VTI1A: variants seen among roughly 807,000 people sequenced by gnomAD.
VTI1A encodes vesicle transport through interaction with t-SNAREs 1A.
VTI1A carries 22 observed loss-of-function variants against 34.9 expected under a neutral mutation model. That is an observed-to-expected ratio of 0.63 (90% CI 0.45 to 0.90). The LOEUF is 0.90. VTI1A is among the 40% of genes least tolerant of loss of function. The pLI is 0.00. For missense variants in VTI1A, 268 were observed against 275.6 expected (o/e 0.97, Z 0.20); for synonymous variants, 87 against 97.3 (o/e 0.89, Z 0.62).
chr10:112,500,453 GA>G (rs1033210177), intron 3 of VTI1A, among the ~76,000 whole-genome samples: 2 of 149,078 alleles, frequency 1.3e-5, no homozygotes, highest in Non-Finnish European at 3.0e-5. Flanking sequence ...AAAAAGAAAA[GA>G]AAAGAAAAAA....
chr10:112,608,631 G>A (rs889882916), intron 5 of VTI1A, among the ~76,000 whole-genome samples: 1 of 151,882 alleles, frequency 6.6e-6, no homozygotes, highest in South Asian at 2.1e-4. Flanking sequence ...TTTTATATTC[G>A]GAAAGATAAG....
At chr10:112,678,607 A>G (rs1848109873) in intron 7 of VTI1A, among the ~76,000 whole-genome samples, 1 of 152,146 alleles carries the variant, frequency 6.6e-6, no homozygotes, top group South Asian at 2.1e-4. Context: ...TTCGGCTGCC[A>G]CCACCACTAC....
intron 3 of VTI1A, among the ~76,000 whole-genome samples, chr10:112,467,151 AT>A (rs1042046397): frequency 6.6e-6 from 1 of 151,156 alleles, no homozygotes; most frequent in African/African-American, 2.4e-5. Flanking sequence ...TTTATTCTTA[AT>A]TTTTTTTTCA....
At chr10:112,635,920 A>C (rs935672529) in intron 5 of VTI1A, among the ~76,000 whole-genome samples, 7 of 152,238 alleles carry the variant, frequency 4.6e-5, no homozygotes, top group Non-Finnish European at 1.0e-4. Context: ...AATGGGGAGT[A>C]AAACTTGGAA....
intron 7 of VTI1A, among the ~76,000 whole-genome samples, chr10:112,797,488 G>T (rs1441429169): frequency 1.3e-5 from 2 of 152,102 alleles, no homozygotes; most frequent in Admixed American, 6.6e-5. Context: ...GGAGCCCAGG[G>T]GCCCCGAGTC....
At chr10:112,648,711 T>C (rs1359628990) in intron 5 of VTI1A, among the ~76,000 whole-genome samples, 1 of 152,226 alleles carries the variant, frequency 6.6e-6, no homozygotes, top group Non-Finnish European at 1.5e-5. Flanking sequence ...TTTAAAATTT[T>C]TATTATTACC....
At chr10:112,703,531 A>C (rs1590090417) in intron 7 of VTI1A, among the ~76,000 whole-genome samples, 1 of 152,022 alleles carries the variant, frequency 6.6e-6, no homozygotes, top group Non-Finnish European at 1.5e-5. Flanking sequence ...ATGCCATTGC[A>C]CTCCAGCCTG....
At chr10:112,655,320 A>G (rs901464962) in intron 5 of VTI1A, among the ~76,000 whole-genome samples, 2 of 152,356 alleles carry the variant, frequency 1.3e-5, no homozygotes, top group East Asian at 1.9e-4. Context: ...AAATTAACCC[A>G]GAACAAAGGA....
At chr10:112,736,613 A>C (rs1220141453) in intron 7 of VTI1A, 4 of 1,493,366 alleles carry the variant, frequency 2.7e-6, no homozygotes, top group Non-Finnish European at 3.6e-6. Flanking sequence ...TAAGAAACCA[A>C]AGCCTGCTGT....
At chr10:112,624,298 G>A (rs10787453) in intron 5 of VTI1A, among the ~76,000 whole-genome samples, 102,454 of 151,498 alleles carry the variant, frequency 0.68, 35,211 homozygotes, top group African/African-American at 0.77. Context: ...TGTGAAGGGG[G>A]AAAAAAAAGT....
At chr10:112,558,558 C>T (rs955534009) in intron 5 of VTI1A, among the ~76,000 whole-genome samples, 2 of 152,124 alleles carry the variant, frequency 1.3e-5, no homozygotes, top group East Asian at 1.9e-4. Flanking sequence ...ATGAAAATAG[C>T]CCATTAAGAA....
At chr10:112,807,109 G>A (rs1355283730) in intron 7 of VTI1A, among the ~76,000 whole-genome samples, 1 of 152,156 alleles carries the variant, frequency 6.6e-6, no homozygotes, top group Non-Finnish European at 1.5e-5. Flanking sequence ...GGACTGACCT[G>A]TCCTTTGGAG....
chr10:112,462,547 G>C (rs9971143), intron 2 of VTI1A, among the ~76,000 whole-genome samples: 94,149 of 152,148 alleles, frequency 0.62, 30,479 homozygotes, highest in Non-Finnish European at 0.72. Flanking sequence ...ATCTCAGAGA[G>C]TTATTTTAAA....
At chr10:112,827,405 A>G in the VTI1A span, 1 of 151,796 alleles carries the variant, frequency 6.6e-6, no homozygotes, top group Admixed American at 6.6e-5. Flanking sequence ...GATGGAGGAA[A>G]GCAGTTAGAA....
At chr10:112,548,574 A>T in intron 5 of VTI1A, 2 of 809,682 alleles carry the variant, frequency 2.5e-6, no homozygotes, top group Admixed American at 1.8e-5. Context: ...TCCACCACTG[A>T]TTAAGACCAG....
chr10:112,560,321 ATTCGCATGTGAAAGGAAC>A (rs945168208), intron 5 of VTI1A, among the ~76,000 whole-genome samples: 2 of 152,140 alleles, frequency 1.3e-5, no homozygotes, highest in African/African-American at 4.8e-5. Context: ...GTGTTGATGC[ATTCGCATGTGAAAGGAAC>A]TTGGCTAAGC....
chr10:112,543,249 C>T (rs974469175), intron 5 of VTI1A, among the ~76,000 whole-genome samples: 3 of 152,126 alleles, frequency 2.0e-5, no homozygotes, highest in African/African-American at 7.2e-5. Context: ...TGAGGAATCG[C>T]CACACTGTCT....
chr10:112,596,818 T>C (rs1261142926), intron 5 of VTI1A, among the ~76,000 whole-genome samples: 1 of 152,236 alleles, frequency 6.6e-6, no homozygotes, highest in African/African-American at 2.4e-5. Flanking sequence ...GATGTGTTTA[T>C]GTTTCTCTTC....
At chr10:112,706,600 T>C (rs1370625436) in intron 7 of VTI1A, among the ~76,000 whole-genome samples, 2 of 152,210 alleles carry the variant, frequency 1.3e-5, no homozygotes, top group African/African-American at 2.4e-5. Context: ...CGCATATTGG[T>C]CCTTGTGAAA....
Sources: gnomAD v4.1 joint callset for allele counts (sites outside exome capture counted in the v4.1 genomes callset) on GRCh38, gnomAD v4.1.1 for gene constraint, MANE v1.5 for transcripts, NCBI Gene and HGNC (gene_info 2026-07-23, HGNC 2026-07-21) for gene names.